Variants in MPDZ observed in about 807,000 individuals in gnomAD.
MPDZ encodes multiple PDZ domain crumbs cell polarity complex component.
A neutral mutation model predicts 239.1 loss-of-function variants in MPDZ; 234 were observed. That is an observed-to-expected ratio of 0.98 (90% CI 0.88 to 1.09). The LOEUF is 1.09. Among genes scored for constraint, MPDZ ranks in the 50% least tolerant of loss-of-function variants. The pLI, the probability that MPDZ is intolerant of heterozygous loss-of-function variation, is 0.00. For synonymous variants in MPDZ, 1,048 were observed against 881.3 expected, an observed-to-expected ratio of 1.19 and a Z score of -3.35; for missense variants, 3,175 against 2,510.0, an observed-to-expected ratio of 1.26 and a Z score of -5.66.
intron 18 of MPDZ, 136 bp downstream of exon 18, chr9:13,186,134 G>T: frequency 2.3e-6 from 1 of 441,960 alleles, no homozygotes; most frequent in Non-Finnish European, 3.8e-6. Context: ...TGAGAACTAA[G>T]TTGGAGAAAA....
intron 26 of MPDZ, among the ~76,000 whole-genome samples, chr9:13,144,925 C>T (rs776609493): frequency 2.0e-5 from 3 of 152,018 alleles, no homozygotes; most frequent in Non-Finnish European, 2.9e-5. Context: ...CAAAATAATT[C>T]AATGCTATGG....
At chr9:13,160,641 T>C (rs938677033) in intron 23 of MPDZ, among the ~76,000 whole-genome samples, 8 of 151,364 alleles carry the variant, frequency 5.3e-5, no homozygotes, top group Non-Finnish European at 8.8e-5. Context: ...AACCCTACAA[T>C]GGAAATCCTG....
intron 1 of MPDZ, among the ~76,000 whole-genome samples, chr9:13,271,682 G>A (rs1318789655): frequency 2.0e-5 from 3 of 152,158 alleles, no homozygotes. Context: ...GAACCTCAAA[G>A]AGTAAAATTT....
chr9:13,231,580 T>C (rs1458222433), intron 3 of MPDZ, among the ~76,000 whole-genome samples: 1 of 151,916 alleles, frequency 6.6e-6, no homozygotes, highest in Non-Finnish European at 1.5e-5. Flanking sequence ...ATAGTAATTT[T>C]ATATCTATCA....
At chr9:13,205,197 A>G in intron 11 of MPDZ, 90 bp from the exon 12 acceptor site, 1 of 625,602 alleles carries the variant, frequency 1.6e-6, no homozygotes, top group South Asian at 2.9e-5. Flanking sequence ...TTGAACTCCT[A>G]CATGAGAATC....
chr9:13,180,028 A>T (rs993731799), intron 19 of MPDZ, among the ~76,000 whole-genome samples: 1 of 152,118 alleles, frequency 6.6e-6, no homozygotes, highest in Admixed American at 6.6e-5. Flanking sequence ...CACTGATCCT[A>T]CTAAGGAAAA....
intron 1 of MPDZ, among the ~76,000 whole-genome samples, chr9:13,274,240 A>AT (rs1973659492): frequency 1.3e-5 from 2 of 151,186 alleles, no homozygotes; most frequent in Non-Finnish European, 2.9e-5. Context: ...AAGCAACAAC[A>AT]TTAAGTTTTT....
In MPDZ at chr9:13,121,919, T is replaced by A. The variant is rs1335345618; in HGVS notation, c.5051A>T (p.Asp1684Val). Residue 1684 changes from aspartate (D) to valine (V), a missense_variant, in exon 38 of 47, where the codon GAC (aspartate) becomes GTC (valine). By Grantham distance (152) the Asp-to-Val change is radical. Transcript: ENST00000319217. Reference sequence around the variant, plus strand: ...TTCATCATGTGTGGCCTTTCTCAAGTCAATTCCATTCACCTGTACAGAAAT... The same window carrying A: ...TTCATCATGTGTGGCCTTTCTCAAGACAATTCCATTCACCTGTACAGAAAT... ...GDQILEVNGI[D>V]LRKATHDEAI... 2 of 1,613,156 alleles carry A rather than the reference T, an allele frequency of 1.2e-6. No individual in the cohort carries two copies. Among genetic ancestry groups the A allele is most frequent in the East Asian group, 2.2e-5 (1 of 44,840 alleles).
chr9:13,231,234 T>C (rs932072224), intron 3 of MPDZ, among the ~76,000 whole-genome samples: 1 of 152,166 alleles, frequency 6.6e-6, no homozygotes, highest in African/African-American at 2.4e-5. Flanking sequence ...AAAAAATACA[T>C]GAAATGAACA....
rs1179156777 is a variant in MPDZ at position 13,224,488 on chromosome 9, A to T, written c.279T>A (p.Phe93Leu). The T allele has an allele frequency of 1.2e-6, 2 of 1,612,796 alleles. No homozygotes were observed. Among genetic ancestry groups the T allele is most frequent in the Non-Finnish European group, 8.5e-7 (1 of 1,179,266 alleles). ...AVIPTLQNES[F>L]LLSPNNGNLE... ...GATTCCCATTGTTTGGGGATAATAAAAACGATTCATTTTGCAGAGTAGGAA... is the reference window on the plus strand; with the variant it reads ...GATTCCCATTGTTTGGGGATAATAATAACGATTCATTTTGCAGAGTAGGAA... The change falls in exon 4 of 47, where the codon TTT becomes TTA. Residue 93 changes from phenylalanine to leucine, a missense_variant. Physicochemically the swap from Phe to Leu is conservative, Grantham distance 22 (BLOSUM62 0). Coordinates refer to ENST00000319217, the MANE Select transcript of MPDZ (RefSeq NM_001378778.1).
intron 3 of MPDZ, among the ~76,000 whole-genome samples, chr9:13,245,761 T>C (rs952401124): frequency 2.6e-5 from 4 of 152,192 alleles, no homozygotes; most frequent in African/African-American, 9.7e-5. Flanking sequence ...TTCATCTGAA[T>C]CACGTGGGAC....
intron 3 of MPDZ, among the ~76,000 whole-genome samples, chr9:13,234,333 T>C (rs985794172): frequency 2.5e-4 from 38 of 152,122 alleles, no homozygotes; most frequent in African/African-American, 7.5e-4. Flanking sequence ...TTATATTTCA[T>C]CTATTCCTTC....
intron 3 of MPDZ, among the ~76,000 whole-genome samples, chr9:13,236,483 G>A (rs1041948845): frequency 6.7e-6 from 1 of 150,216 alleles, no homozygotes; most frequent in Non-Finnish European, 1.5e-5. Flanking sequence ...GTTTCTCCAT[G>A]TTGGTCAGGC....
rs560159144 is a variant in MPDZ, at chr9:13,206,561, T to C, written c.1291-462A>G. Among the ~76,000 whole-genome samples, 21 of 151,920 alleles carry C rather than the reference T, an allele frequency of 1.4e-4. No homozygotes were observed. In the East Asian group the frequency reaches 3.9e-3, roughly 28 times the overall value. On this transcript the variant is annotated intron_variant, in intron 10 of 46. Transcript: ENST00000319217. Reference sequence around the variant, plus strand: ...ACACCACCACACGTGGCTATTTTTTTTTTTTTTCTTTCTCACTCTGTCACC... The same window carrying C: ...ACACCACCACACGTGGCTATTTTTTCTTTTTTTCTTTCTCACTCTGTCACC...
At chr9:13,158,208 GT>G in intron 23 of MPDZ, 98 bp from the exon 24 acceptor site, 1 of 877,434 alleles carries the variant, frequency 1.1e-6, no homozygotes, top group Non-Finnish European at 1.8e-6. Flanking sequence ...ATGCAGGACT[GT>G]TTTATGTTTT....
At chr9:13,110,866 T>C (rs1942343702) in intron 43 of MPDZ, 126 bp from the exon 44 acceptor site, 1 of 567,660 alleles carries the variant, frequency 1.8e-6, no homozygotes, top group Non-Finnish European at 3.0e-6. Flanking sequence ...GCCACTGAAA[T>C]ATAACCAAGG....
In MPDZ at chr9:13,160,074, C is replaced by G. The variant is rs78002892; in HGVS notation, c.3360-1964G>C. Among the ~76,000 whole-genome samples the G allele has an allele frequency of 4.2e-3, 632 of 152,284 alleles. 6 individuals are homozygous for G. Among genetic ancestry groups the G allele is most frequent in the African/African-American group, 0.015 (606 of 41,572 alleles). On this transcript the variant is annotated intron_variant, in intron 23 of 46. Transcript: ENST00000319217. ...AGACACATGATGAGAAAGACACTGG[C>G]AGACAGCATAGGTGAGATTTGGATT...
At chr9:13,214,367 A>T (rs1958012343) in intron 10 of MPDZ, among the ~76,000 whole-genome samples, 1 of 152,060 alleles carries the variant, frequency 6.6e-6, no homozygotes. Flanking sequence ...TATCCAGAAC[A>T]GGCAAATCCA....
intron 39 of MPDZ, among the ~76,000 whole-genome samples, chr9:13,115,882 T>C (rs1170158176): frequency 2.0e-5 from 3 of 149,494 alleles, no homozygotes; most frequent in African/African-American, 7.5e-5. Context: ...GAGGCGGAGC[T>C]TGCAGTGAGC....
Sources: gnomAD v4.1 joint callset for allele counts (sites outside exome capture counted in the v4.1 genomes callset) on GRCh38, gnomAD v4.1.1 for gene constraint, MANE v1.5 for transcripts, NCBI Gene and HGNC (gene_info 2026-07-23, HGNC 2026-07-21) for gene names.